Variants in SYNJ2 observed in about 807,000 individuals in gnomAD.
The protein encoded by SYNJ2 is polyphosphatidylinositol phosphatase SYNJ2.
SYNJ2 carries 116 observed loss-of-function variants against 141.3 expected under a neutral mutation model. The observed-to-expected ratio is 0.82, with a 90% CI of 0.71 to 0.96. SYNJ2 has a LOEUF of 0.96. Ranked by LOEUF, SYNJ2 falls within the 40% of genes least tolerant of loss-of-function variation. The pLI is 0.00. For missense variants in SYNJ2, 1,873 were observed against 1,934.8 expected (o/e 0.97, Z 0.60); for synonymous variants, 745 against 777.7 (o/e 0.96, Z 0.70).
At chr6:158,020,871 C>T (rs1226358500) in intron 2 of SYNJ2, among the ~76,000 whole-genome samples, 1 of 152,186 alleles carries the variant, frequency 6.6e-6, no homozygotes, top group Non-Finnish European at 1.5e-5. Context: ...TTCAATCTAC[C>T]TAAATTAGCC....
chr6:158,018,166 T>A (rs574036014), intron 2 of SYNJ2, among the ~76,000 whole-genome samples: 43 of 152,154 alleles, frequency 2.8e-4, no homozygotes, highest in Non-Finnish European at 4.1e-4. Context: ...GCATCTCTGC[T>A]CACTCTGAGA....
chr6:158,079,703 C>A (rs1251645166), intron 18 of SYNJ2, among the ~76,000 whole-genome samples: 1 of 152,176 alleles, frequency 6.6e-6, no homozygotes, highest in East Asian at 1.9e-4. Context: ...CCTGTTGTTG[C>A]AAATACATAC....
chr6:158,072,038 T>C (rs1781963063), intron 15 of SYNJ2, among the ~76,000 whole-genome samples: 1 of 152,232 alleles, frequency 6.6e-6, no homozygotes, highest in African/African-American at 2.4e-5. Context: ...CCTGAGTGTC[T>C]GCATGGCCAC....
At position 158,027,098 on chromosome 6, in the gene SYNJ2, G is replaced by C. The variant is rs951391021; in HGVS notation, c.215-1658G>C. Reference sequence around the variant, plus strand: ...CTGGGAGCCCTGAGCGCTCATTAAAGGAACGCACTTTAATGACAGCCACAC... The same window carrying C: ...CTGGGAGCCCTGAGCGCTCATTAAACGAACGCACTTTAATGACAGCCACAC... On this transcript the variant is annotated intron_variant, in intron 2 of 26. Coordinates refer to ENST00000355585, the MANE Select transcript of SYNJ2 (RefSeq NM_003898.4). This position sits in a 1 kb window ranked among gnomAD's most constrained non-coding sequence, Gnocchi z 4.6. 12 of 985,262 alleles carry C rather than the reference G, an allele frequency of 1.2e-5. No homozygotes were observed. The African/African-American group carries it at 2.1e-4, about 17-fold the overall frequency. 61.0% of individuals were successfully genotyped at this position (985,262 alleles called of 1,614,324 possible).
At chr6:158,004,832 GT>G (rs1777991924) in intron 1 of SYNJ2, among the ~76,000 whole-genome samples, 2 of 152,182 alleles carry the variant, frequency 1.3e-5, no homozygotes, top group South Asian at 4.2e-4. Context: ...TCCTTGGTGA[GT>G]TTTCCCTCTT....
chr6:158,022,561 A>G (rs1233377267), intron 2 of SYNJ2, among the ~76,000 whole-genome samples: 1 of 152,170 alleles, frequency 6.6e-6, no homozygotes, highest in Non-Finnish European at 1.5e-5. Context: ...TGGAGGGGAC[A>G]TTGAGACTAT....
At chr6:157,984,649 C>T (rs1262775293) in intron 1 of SYNJ2, among the ~76,000 whole-genome samples, 1 of 152,226 alleles carries the variant, frequency 6.6e-6, no homozygotes, top group Non-Finnish European at 1.5e-5. Flanking sequence ...GGTGATCCAC[C>T]TGCTTTGGCC....
intron 1 of SYNJ2, among the ~76,000 whole-genome samples, chr6:158,004,222 G>A (rs896565063): frequency 6.6e-6 from 1 of 152,136 alleles, no homozygotes; most frequent in Non-Finnish European, 1.5e-5. Context: ...GACCTGCTGG[G>A]CTGCATTCCC....
intron 1 of SYNJ2, among the ~76,000 whole-genome samples, chr6:157,995,207 G>A (rs1245591293): frequency 1.3e-5 from 2 of 152,226 alleles, no homozygotes; most frequent in Non-Finnish European, 2.9e-5. Flanking sequence ...GACTTCTAGG[G>A]CCTTTGAGTG....
chr6:158,083,414 G>A lies in SYNJ2; in HGVS notation c.2866-15G>A, dbSNP rs188538195. 6.8e-6 allele frequency: 11 copies of A among 1,610,746 alleles called. No individual in the cohort carries two copies. The Admixed American group carries it at 1.2e-4, about 17-fold the overall frequency. On this transcript the variant is annotated splice_polypyrimidine_tract_variant and intron_variant, in intron 20 of 26. Coordinates refer to ENST00000355585, the MANE Select transcript of SYNJ2 (RefSeq NM_003898.4). ...GATTTTTATTTATTCCTGGGTGGCC[G>A]CTCTGCCCTCCCAGGTGAAAGGCAG...
At chr6:158,087,246 G>A (rs908235123) in intron 23 of SYNJ2, among the ~76,000 whole-genome samples, 1 of 152,194 alleles carries the variant, frequency 6.6e-6, no homozygotes, top group African/African-American at 2.4e-5. Flanking sequence ...GCTTCAAACT[G>A]CTCTCCCTTG....
intron 4 of SYNJ2, among the ~76,000 whole-genome samples, chr6:158,036,173 A>G (rs1054951344): frequency 2.0e-5 from 3 of 152,228 alleles, no homozygotes; most frequent in Admixed American, 2.0e-4. Flanking sequence ...GACTTGTGTG[A>G]AATGAGATAC....
At chr6:158,088,818 G>C (rs1226729779) in intron 24 of SYNJ2, 46 bp downstream of exon 24, 1 of 1,305,412 alleles carries the variant, frequency 7.7e-7, no homozygotes, top group East Asian at 2.3e-5. Flanking sequence ...TTTGCCCCCG[G>C]GATAGTGTGG....
In SYNJ2 at chr6:158,027,156, A is replaced by G. The variant is rs1779091123; in HGVS notation, c.215-1600A>G. The G allele has an allele frequency of 3.0e-6, 3 of 985,334 alleles. No homozygotes were observed. The highest frequency in any genetic ancestry group is 1.1e-4 in the East Asian group (1 of 8,802). The allele number at this position is 985,334 out of a possible 1,614,324, so 61.0% of individuals were successfully genotyped here. A position where few individuals can be genotyped will look rare whatever the true frequency, so the allele number is the denominator to read the frequency against. On this transcript the variant is annotated intron_variant, in intron 2 of 26. Transcript: ENST00000355585. This position sits in a 1 kb window ranked among gnomAD's most constrained non-coding sequence, Gnocchi z 4.6. Reference sequence around the variant, plus strand: ...TGCCACAAGCAGCGCTCTTCTCCCTATGAAGTGTGGTGAGGAAATTGGGGT... The same window carrying G: ...TGCCACAAGCAGCGCTCTTCTCCCTGTGAAGTGTGGTGAGGAAATTGGGGT...
chr6:157,992,776 A>G (rs1231316842), intron 1 of SYNJ2, among the ~76,000 whole-genome samples: 5 of 152,142 alleles, frequency 3.3e-5, no homozygotes, highest in Admixed American at 3.3e-4. Flanking sequence ...ACAGGATCTC[A>G]TTCTTTTTTA....
At chr6:158,012,237 G>T (rs796808925) in intron 1 of SYNJ2, among the ~76,000 whole-genome samples, 1 of 152,192 alleles carries the variant, frequency 6.6e-6, no homozygotes, top group East Asian at 1.9e-4. Flanking sequence ...AGACCTGTGG[G>T]CTGGAAGGCC....
At position 158,070,390 on chromosome 6, in the gene SYNJ2, G is replaced by A; in HGVS notation, c.1940+717G>A. 3.0e-6 allele frequency: 3 copies of A among 985,502 alleles called. No individual in the cohort carries two copies. Among genetic ancestry groups the A allele is most frequent in the South Asian group, 4.7e-5 (1 of 21,286 alleles). 61.0% of individuals were successfully genotyped at this position (985,502 alleles called of 1,614,324 possible). A position where few individuals can be genotyped will look rare whatever the true frequency, so the allele number is the denominator to read the frequency against. On this transcript the variant is annotated intron_variant, in intron 14 of 26. Transcript: ENST00000355585. The surrounding 1 kb of genome is among the most constrained non-coding windows in gnomAD (Gnocchi z 4.0). ...CGGGTACACCCCTGCAGCACCTGGAGACTAAGACTATGCTGCCCATAATCC... is the reference window on the plus strand; with the variant it reads ...CGGGTACACCCCTGCAGCACCTGGAAACTAAGACTATGCTGCCCATAATCC...
In SYNJ2 at chr6:158,074,633, C is replaced by G; in HGVS notation, c.2187C>G (p.Tyr729Ter). 1 of 1,614,014 alleles carries G rather than the reference C, an allele frequency of 6.2e-7. No homozygotes were observed. Among genetic ancestry groups the G allele is most frequent in the Non-Finnish European group, 8.5e-7 (1 of 1,179,996 alleles). Residue 729 changes from tyrosine to a stop codon, truncating the protein, a stop_gained, in exon 16 of 27, where the codon TAC (tyrosine) becomes TAG (stop). Coordinates refer to ENST00000355585, the MANE Select transcript of SYNJ2 (RefSeq NM_003898.4). LOFTEE classifies it high-confidence loss of function. ...DYVFWCGDFNYRIDLTYEEVF... is the reference protein window; with the variant it reads ...DYVFWCGDFN Reference sequence around the variant, plus strand: ...TATTTTGGTGTGGCGATTTCAACTACCGCATTGATCTTACTTATGAAGAAG... The same window carrying G: ...TATTTTGGTGTGGCGATTTCAACTAGCGCATTGATCTTACTTATGAAGAAG...
chr6:157,982,106 G>C lies in SYNJ2; in HGVS notation c.127+18G>C. ...CACGCTGGGTGAGTCCGGGCCGGGG[G>C]CAGCGACGCCCGGAGGAGAGGGCGC... On this transcript the variant is annotated intron_variant, in intron 1 of 26. Coordinates refer to ENST00000355585, the MANE Select transcript of SYNJ2 (RefSeq NM_003898.4). This position sits in a 1 kb window ranked among gnomAD's most constrained non-coding sequence, Gnocchi z 4.0. 7.7e-7 allele frequency: 1 copy of C among 1,304,094 alleles called. No homozygotes were observed. The highest frequency in any genetic ancestry group is 9.7e-7 in the Non-Finnish European group (1 of 1,026,490). 80.8% of individuals were successfully genotyped at this position (1,304,094 alleles called of 1,614,324 possible). A position where few individuals can be genotyped will look rare whatever the true frequency, so the allele number is the denominator to read the frequency against.
Sources: allele counts gnomAD v4.1 joint callset (sites outside exome capture counted in the v4.1 genomes callset), GRCh38; gene constraint gnomAD v4.1.1; non-coding constraint Gnocchi (gnomAD v3.1); transcripts MANE v1.5; gene names NCBI Gene and HGNC (gene_info 2026-07-23, HGNC 2026-07-21).